Variants in FLI1 observed in about 807,000 individuals in gnomAD.
FLI1 encodes Friend leukemia integration 1 transcription factor.
FLI1 carries 13 observed loss-of-function variants against 53.1 expected under a neutral mutation model. The ratio of observed to expected loss-of-function variants is 0.24; its 90% CI spans 0.16 to 0.39. The LOEUF (loss-of-function observed/expected upper bound fraction) is 0.39, where lower values mean the gene tolerates loss of function less well. Ranked by LOEUF, FLI1 falls within the 10% of genes least tolerant of loss-of-function variation. The pLI is 1.00. For missense variants in FLI1, 424 were observed against 600.5 expected, an observed-to-expected ratio of 0.71 and a Z score of 3.07; for synonymous variants, 244 against 236.7, an observed-to-expected ratio of 1.03 and a Z score of -0.28.
In FLI1 at chr11:128,808,467, G is replaced by A. The variant is rs138567204; in HGVS notation, c.782-690G>A. ...GCTAAATAAACACATACGTTTTGAG[G>A]AAAGTGAGATTTTAAGAATAGTCAT... On this transcript the variant is annotated intron_variant, in intron 7 of 8. Coordinates refer to ENST00000527786, the MANE Select transcript of FLI1 (RefSeq NM_002017.5). Among the ~76,000 whole-genome samples the A allele has an allele frequency of 4.5e-4, 68 of 152,264 alleles. No homozygotes were observed. In the East Asian group the frequency reaches 0.013, roughly 28 times the overall value.
At chr11:128,727,019 C>T (rs747352558) in intron 1 of FLI1, among the ~76,000 whole-genome samples, 1 of 151,870 alleles carries the variant, frequency 6.6e-6, no homozygotes, top group Non-Finnish European at 1.5e-5. Flanking sequence ...GCCCTGGGAG[C>T]TGTGCCACTC....
At chr11:128,711,722 G>A (rs1938791508) in intron 1 of FLI1, among the ~76,000 whole-genome samples, 1 of 152,098 alleles carries the variant, frequency 6.6e-6, no homozygotes, top group African/African-American at 2.4e-5. Context: ...TATTTTTAAG[G>A]TCATTTTTAG....
intron 2 of FLI1, among the ~76,000 whole-genome samples, chr11:128,762,877 A>T (rs768388778): frequency 2.0e-5 from 3 of 152,078 alleles, no homozygotes; most frequent in Non-Finnish European, 2.9e-5. Context: ...AATTGCTTGA[A>T]TCTGGGAGAC....
At chr11:128,778,708 A>G (rs1285714042) in intron 4 of FLI1, among the ~76,000 whole-genome samples, 1 of 152,238 alleles carries the variant, frequency 6.6e-6, no homozygotes, top group Non-Finnish European at 1.5e-5. Flanking sequence ...CACCTTCATC[A>G]TGGCCTGTTT....
intron 4 of FLI1, 58 bp downstream of exon 4, chr11:128,773,043 G>A (rs964518014): frequency 1.3e-6 from 2 of 1,511,896 alleles, no homozygotes; most frequent in East Asian, 2.3e-5. Context: ...GCCAACCCAG[G>A]GAGAGGAAGT....
chr11:128,774,093 A>T (rs145556768), intron 4 of FLI1, among the ~76,000 whole-genome samples: 1 of 152,250 alleles, frequency 6.6e-6, no homozygotes, highest in East Asian at 1.9e-4. Context: ...TTTGCTCGCC[A>T]TCGTTCTGTG....
intron 1 of FLI1, among the ~76,000 whole-genome samples, chr11:128,753,217 G>A (rs1024444110): frequency 6.6e-6 from 1 of 152,162 alleles, no homozygotes; most frequent in African/African-American, 2.4e-5. Context: ...GCCAGCCCAG[G>A]GGTTCCTTTT....
At chr11:128,693,837 G>A (rs980107695), upstream of FLI1, 5 of 227,356 alleles carry the variant, frequency 2.2e-5, no homozygotes, top group South Asian at 6.5e-4. Context: ...TTTATATAGT[G>A]TGTGATGCGA....
At chr11:128,761,669 G>A (rs1042961437) in intron 2 of FLI1, among the ~76,000 whole-genome samples, 1 of 152,098 alleles carries the variant, frequency 6.6e-6, no homozygotes. Context: ...TGCTCTCAGA[G>A]AATCCTCAAG....
chr11:128,785,242 T>C (rs1942046289), intron 5 of FLI1, among the ~76,000 whole-genome samples: 2 of 152,156 alleles, frequency 1.3e-5, no homozygotes, highest in African/African-American at 4.8e-5. Flanking sequence ...GGATAAAAGC[T>C]ATTGTTATCC....
At chr11:128,792,372 G>A (rs1942298898) in intron 5 of FLI1, among the ~76,000 whole-genome samples, 1 of 152,136 alleles carries the variant, frequency 6.6e-6, no homozygotes, top group African/African-American at 2.4e-5. Flanking sequence ...GCCTGACCCA[G>A]TGCAATCAAT....
At chr11:128,768,857 C>T (rs551926198) in intron 3 of FLI1, among the ~76,000 whole-genome samples, 3 of 152,268 alleles carry the variant, frequency 2.0e-5, no homozygotes, top group African/African-American at 7.2e-5. Flanking sequence ...ACGGGCTGCT[C>T]AGAGAGCAGA....
At chr11:128,782,448 G>A (rs1489470056) in intron 5 of FLI1, among the ~76,000 whole-genome samples, 3 of 152,068 alleles carry the variant, frequency 2.0e-5, no homozygotes, top group South Asian at 2.1e-4. Context: ...TAATCCCAGC[G>A]CTTTGGGGGG....
intron 1 of FLI1, among the ~76,000 whole-genome samples, chr11:128,722,973 G>A (rs1434840060): frequency 3.9e-5 from 6 of 152,134 alleles, no homozygotes; most frequent in African/African-American, 1.2e-4. Flanking sequence ...GAGGCCAGGA[G>A]TCTGAGATCA....
At chr11:128,708,568 C>G (rs1297179370) in intron 1 of FLI1, among the ~76,000 whole-genome samples, 1 of 152,196 alleles carries the variant, frequency 6.6e-6, no homozygotes, top group Non-Finnish European at 1.5e-5. Context: ...TTACTCTCCC[C>G]TTCTCAGTGG....
At chr11:128,686,533 C>T (rs1011317233), upstream of FLI1, 3 of 454,540 alleles carry the variant, frequency 6.6e-6, no homozygotes, top group East Asian at 7.0e-5. Flanking sequence ...TCCCAAACCC[C>T]TACAGTCTCT....
chr11:128,757,986 G>A, intron 1 of FLI1, 129 bp from the exon 2 acceptor site: 2 of 768,768 alleles, frequency 2.6e-6, no homozygotes, highest in Non-Finnish European at 4.2e-6. Context: ...TGGAGTGTGA[G>A]TCAAACAGGA....
At position 128,768,262 on chromosome 11, in the gene FLI1, C is replaced by T. The variant is rs754876810; in HGVS notation, c.375C>T (p.Ile125=). The change falls in exon 3 of 9, where the codon ATC becomes ATT. Residue 125 remains isoleucine, a synonymous_variant. Transcript: ENST00000527786. ...TGACCACCAACGAGAGGAGAGTCATCGTCCCCGCAGGTAATTCGAGAACCA... is the reference window on the plus strand; with the variant it reads ...TGACCACCAACGAGAGGAGAGTCATTGTCCCCGCAGGTAATTCGAGAACCA... ...PNMTTNERRV[I]VPADPTLWTQ... is the part of the protein sequence containing the mutation. 3.9e-5 allele frequency: 63 copies of T among 1,613,770 alleles called. No homozygotes were observed. The highest frequency in any genetic ancestry group is 5.0e-5 in the Non-Finnish European group (59 of 1,179,854).
At chr11:128,693,519 C>T (rs1000050060), upstream of FLI1, 36 of 181,106 alleles carry the variant, frequency 2.0e-4, no homozygotes, top group Non-Finnish European at 4.0e-4. Context: ...CCATACCCCC[C>T]CTACCCCACC....
Sources: allele counts gnomAD v4.1 joint callset (sites outside exome capture counted in the v4.1 genomes callset), GRCh38; gene constraint gnomAD v4.1.1; transcripts MANE v1.5; gene names NCBI Gene and HGNC (gene_info 2026-07-23, HGNC 2026-07-21).